SEMA6D: variants seen among roughly 807,000 people sequenced by gnomAD.
The protein encoded by SEMA6D is semaphorin-6D.
In SEMA6D, 35 loss-of-function variants were observed where a neutral mutation model predicts 106.6. That is an observed-to-expected ratio of 0.33 (90% CI 0.25 to 0.44). SEMA6D has a LOEUF of 0.44. Among genes scored for constraint, SEMA6D ranks in the 20% least tolerant of loss-of-function variants. The probability of loss-of-function intolerance (pLI) is 1.00; values close to 1 mark genes in which losing one functional copy is unlikely to be tolerated. For synonymous variants in SEMA6D, 499 were observed against 487.7 expected (o/e 1.02, Z -0.31); for missense variants, 1,185 against 1,345.9 (o/e 0.88, Z 1.87).
rs531588062 is a variant in SEMA6D at position 47,322,420 on chromosome 15, A to G, written c.-238-89973A>G. Among the ~76,000 whole-genome samples, 5 of 151,998 alleles carry G rather than the reference A, an allele frequency of 3.3e-5. No individual in the cohort carries two copies. In the East Asian group the frequency reaches 7.8e-4, roughly 24 times the overall value. On this transcript the variant is annotated intron_variant, in intron 1 of 19. Coordinates refer to the SEMA6D transcript ENST00000558014. ...GTCTTTTATGATCTTGATACCTTTAATGAGTTCTTGCCAGATATTTTGTAC... is the reference window on the plus strand; with the variant it reads ...GTCTTTTATGATCTTGATACCTTTAGTGAGTTCTTGCCAGATATTTTGTAC...
At chr15:47,222,306 C>T (rs542397936) in intron 1 of SEMA6D, among the ~76,000 whole-genome samples, 3 of 152,336 alleles carry the variant, frequency 2.0e-5, no homozygotes, top group South Asian at 4.1e-4. Context: ...GGGACTGTTG[C>T]TTCCTGAGTC....
chr15:47,718,722 C>G (rs149784624), intron 1 of SEMA6D: 1 of 152,270 alleles, frequency 6.6e-6, no homozygotes, highest in Non-Finnish European at 1.5e-5. Flanking sequence ...AGATGTGTTA[C>G]GTTCTCATCT....
At chr15:47,252,955 T>A (rs2033603934) in intron 1 of SEMA6D, among the ~76,000 whole-genome samples, 1 of 152,172 alleles carries the variant, frequency 6.6e-6, no homozygotes. Context: ...TTTTAATTTT[T>A]TTTTTAGGAA....
chr15:47,692,718 G>A (rs1371785871), intron 4 of SEMA6D, among the ~76,000 whole-genome samples: 1 of 152,104 alleles, frequency 6.6e-6, no homozygotes, highest in Non-Finnish European at 1.5e-5. Context: ...TCTCCTGGAT[G>A]GGCTTATCAC....
At chr15:47,314,636 T>TGGGTAAC (rs1555421085) in intron 1 of SEMA6D, among the ~76,000 whole-genome samples, 2 of 148,988 alleles carry the variant, frequency 1.3e-5, no homozygotes, top group Non-Finnish European at 1.5e-5. Flanking sequence ...TTGTATATTT[T>TGGGTAAC]GGGTAACAGG....
intron 1 of SEMA6D, among the ~76,000 whole-genome samples, chr15:47,349,836 C>A (rs1220536803): frequency 6.6e-6 from 1 of 152,136 alleles, no homozygotes; most frequent in Non-Finnish European, 1.5e-5. Flanking sequence ...GTTATTACTA[C>A]ATGGAGATAA....
chr15:47,665,492 G>C (rs1349061818), intron 4 of SEMA6D, among the ~76,000 whole-genome samples: 1 of 152,114 alleles, frequency 6.6e-6, no homozygotes, highest in Non-Finnish European at 1.5e-5. Flanking sequence ...ACTTGGGCTG[G>C]ACAAAATACA....
At chr15:47,359,274 G>A (rs1160276016) in intron 1 of SEMA6D, among the ~76,000 whole-genome samples, 2 of 152,006 alleles carry the variant, frequency 1.3e-5, no homozygotes, top group African/African-American at 4.8e-5. Flanking sequence ...AGTACTTATT[G>A]AATTGGCTAG....
chr15:47,399,546 A>G (rs757913706), intron 1 of SEMA6D: 3 of 152,188 alleles, frequency 2.0e-5, no homozygotes, highest in Non-Finnish European at 4.4e-5. Flanking sequence ...TGGAGGACCA[A>G]TAAAAGAGGA....
chr15:47,344,028 T>C (rs2037940096), intron 1 of SEMA6D, among the ~76,000 whole-genome samples: 1 of 152,032 alleles, frequency 6.6e-6, no homozygotes, highest in African/African-American at 2.4e-5. Flanking sequence ...AAAACCACAA[T>C]GAGATACCAT....
intron 2 of SEMA6D, among the ~76,000 whole-genome samples, chr15:47,427,657 T>A (rs1437403279): frequency 6.6e-6 from 1 of 152,170 alleles, no homozygotes; most frequent in African/African-American, 2.4e-5. Context: ...AAACTTGCTG[T>A]GAAGTGGAAA....
intron 3 of SEMA6D, among the ~76,000 whole-genome samples, chr15:47,474,992 T>A (rs1157234684): frequency 6.6e-6 from 1 of 152,176 alleles, no homozygotes; most frequent in East Asian, 1.9e-4. Flanking sequence ...GATCCTTGAG[T>A]GACTGTGTGG....
chr15:47,544,802 G>T (rs56969464), intron 3 of SEMA6D, among the ~76,000 whole-genome samples: 9,024 of 146,532 alleles, frequency 0.062, 309 homozygotes, highest in South Asian at 0.092. Context: ...GGGGTGGGGG[G>T]ACTCGTATTT....
intron 3 of SEMA6D, among the ~76,000 whole-genome samples, chr15:47,552,809 T>A (rs372500499): frequency 0.021 from 486 of 23,088 alleles, 25 homozygotes; most frequent in African/African-American, 0.086. Flanking sequence ...TATATAAAAA[T>A]ATATATAAAT....
At chr15:47,369,470 G>A (rs970528363) in intron 1 of SEMA6D, among the ~76,000 whole-genome samples, 20 of 152,192 alleles carry the variant, frequency 1.3e-4, no homozygotes, top group African/African-American at 4.8e-4. Context: ...ACTATGTTGG[G>A]CTTAGAGTGA....
intron 4 of SEMA6D, among the ~76,000 whole-genome samples, chr15:47,711,215 C>G (rs995369181): frequency 3.5e-5 from 5 of 142,190 alleles, no homozygotes; most frequent in African/African-American, 5.3e-5. Flanking sequence ...GAGGCTGAGG[C>G]AGGAGAATGG....
intron 1 of SEMA6D, among the ~76,000 whole-genome samples, chr15:47,277,151 GA>G (rs2034855156): frequency 6.6e-6 from 1 of 152,148 alleles, no homozygotes; most frequent in Admixed American, 6.6e-5. Flanking sequence ...GGTGAGCAAA[GA>G]AAGTGATTTC....
At chr15:47,746,980 G>GTA (rs752559574) in intron 1 of SEMA6D, among the ~76,000 whole-genome samples, 3 of 116,736 alleles carry the variant, frequency 2.6e-5, no homozygotes, top group Admixed American at 8.2e-5. Context: ...CTGTGTGTGT[G>GTA]TGTGTATATA....
At chr15:47,349,367 G>T (rs983210818) in intron 1 of SEMA6D, among the ~76,000 whole-genome samples, 3 of 152,128 alleles carry the variant, frequency 2.0e-5, no homozygotes, top group African/African-American at 7.2e-5. Context: ...TTGTTTATTT[G>T]TTCGTCCTTC....
Sources: gnomAD v4.1 joint callset for allele counts (sites outside exome capture counted in the v4.1 genomes callset) on GRCh38, gnomAD v4.1.1 for gene constraint, MANE v1.5 for transcripts, NCBI Gene and HGNC (gene_info 2026-07-23, HGNC 2026-07-21) for gene names.